Variants in CABLES2 observed in about 807,000 individuals in gnomAD.
The protein encoded by CABLES2 is CDK5 and ABL1 enzyme substrate 2.
Under a neutral mutation model 44.8 loss-of-function variants are expected in CABLES2, and 35 were observed. The ratio of observed to expected loss-of-function variants is 0.78; its 90% CI spans 0.60 to 1.04. The LOEUF (loss-of-function observed/expected upper bound fraction) is 1.04. Ranked by LOEUF, CABLES2 falls within the 50% of genes least tolerant of loss-of-function variation. The probability of loss-of-function intolerance (pLI) is 0.00; values close to 1 mark genes in which losing one functional copy is unlikely to be tolerated. For synonymous variants in CABLES2, 282 were observed against 281.1 expected, an observed-to-expected ratio of 1.00 and a Z score of -0.03; for missense variants, 566 against 615.7, an observed-to-expected ratio of 0.92 and a Z score of 0.85.
chr20:62,401,040 G>A (rs1289847989), intron 1 of CABLES2, among the ~76,000 whole-genome samples: 1 of 152,184 alleles, frequency 6.6e-6, no homozygotes, highest in Non-Finnish European at 1.5e-5. Context: ...AAGATGACAT[G>A]GCTGGTAAGA....
rs1158848652 is a variant in CABLES2, at chr20:62,398,202, GTGA to G, written c.363-1613_363-1611del. ...GGTGGTGGTGATGGTGATGATGGTG[GTGA>G]TGGTGATGTGATGGTGGTGGTGGTG... On this transcript the variant is annotated intron_variant, in intron 1 of 9. Transcript: ENST00000279101. 9.6e-4 allele frequency among the ~76,000 whole-genome samples: 108 copies of G among 112,614 alleles called. 6 individuals carry two copies. In the East Asian group the frequency reaches 0.018, roughly 19 times the overall value. The allele number at this position is 112,614 out of a possible 152,430, so 73.9% of individuals were successfully genotyped here.
At position 62,390,925 on chromosome 20, in the gene CABLES2, G is replaced by A; in HGVS notation, c.*46C>T. 6.2e-7 allele frequency: 1 copy of A among 1,603,760 alleles called. No individual in the cohort carries two copies. The highest frequency in any genetic ancestry group is 8.5e-7 in the Non-Finnish European group (1 of 1,171,864). ...GGGGCTTCAGTGGGACACCTCCCAGGCCGGCAAGTGCACCTCGGTGCCCTG... is the reference window on the plus strand; with the variant it reads ...GGGGCTTCAGTGGGACACCTCCCAGACCGGCAAGTGCACCTCGGTGCCCTG... On this transcript the variant is annotated 3_prime_UTR_variant, in exon 10 of 10. Transcript: ENST00000279101.
chr20:62,400,506 G>A (rs1479501042), intron 1 of CABLES2, among the ~76,000 whole-genome samples: 1 of 152,222 alleles, frequency 6.6e-6, no homozygotes, highest in Non-Finnish European at 1.5e-5. Flanking sequence ...TGAAGGAGGA[G>A]ATTTGGGGAC....
chr20:62,399,483 G>T (rs1414672340), intron 1 of CABLES2, among the ~76,000 whole-genome samples: 2 of 147,702 alleles, frequency 1.4e-5, no homozygotes, highest in Non-Finnish European at 3.0e-5. Flanking sequence ...TCCTGACCTC[G>T]TGATCCACCT....
rs753641786 is a variant in CABLES2 at position 62,396,438 on chromosome 20, TC to T, written c.435-32del. On this transcript the variant is annotated intron_variant, in intron 2 of 9. Coordinates refer to ENST00000279101, the MANE Select transcript of CABLES2 (RefSeq NM_031215.3). The surrounding 1 kb of genome is among the most constrained non-coding windows in gnomAD (Gnocchi z 5.7). Reference sequence around the variant, plus strand: ...AGGCAAAGGACACAGGTCACTCTTTTCCTCCCAGGACCCTCTGGCCCCGCAG... The same window carrying T: ...AGGCAAAGGACACAGGTCACTCTTTTCTCCCAGGACCCTCTGGCCCCGCAG... 11 of 1,613,212 alleles carry T rather than the reference TC, an allele frequency of 6.8e-6. No individual in the cohort carries two copies. The highest frequency in any genetic ancestry group is 5.1e-6 in the Non-Finnish European group (6 of 1,179,418).
In CABLES2 at chr20:62,393,460, G is replaced by A. The variant is rs1367530062; in HGVS notation, c.860C>T (p.Ala287Val). ...GCTACCTAGTTCTGTGCTGGCTGGT[G>A]CCGACTTGGTGGGGGCAGGTTTATG... ...SRHKPAPTKS[A>V]PASTELGSDV... Residue 287 changes from alanine to valine, a missense_variant, in exon 6 of 10, where the codon GCA becomes GTA. Around this residue, in one of 2 missense-constraint regions of CABLES2, gnomAD observed 436 missense variants for 536.3 expected, o/e 0.81. Transcript: ENST00000279101. 2 of 1,609,686 alleles carry A rather than the reference G, an allele frequency of 1.2e-6. No individual in the cohort carries two copies. Among genetic ancestry groups the A allele is most frequent in the African/African-American group, 2.7e-5 (2 of 74,828 alleles).
At chr20:62,394,423 G>A (rs1179935814) in intron 4 of CABLES2, among the ~76,000 whole-genome samples, 158 bp from the exon 5 acceptor site, 4 of 152,180 alleles carry the variant, frequency 2.6e-5, no homozygotes, top group Non-Finnish European at 5.9e-5. Context: ...GAAGGCGCAC[G>A]TCAGGAGTGC....
intron 1 of CABLES2, among the ~76,000 whole-genome samples, chr20:62,397,962 A>ATGGTGATGG (rs1569017224): frequency 2.7e-5 from 2 of 75,060 alleles, no homozygotes; most frequent in East Asian, 5.5e-4. Context: ...AGTGGTGGTG[A>ATGGTGATGG]TGGTGGTGAC....
intron 1 of CABLES2, among the ~76,000 whole-genome samples, chr20:62,400,712 C>A (rs993339447): frequency 3.3e-5 from 5 of 152,168 alleles, no homozygotes; most frequent in Admixed American, 2.0e-4. Context: ...CGGCAGCCTG[C>A]CTGGTGGTAC....
At chr20:62,393,656 G>A in intron 5 of CABLES2, 51 bp from the exon 6 acceptor site, 3 of 1,510,830 alleles carry the variant, frequency 2.0e-6, no homozygotes, top group East Asian at 2.3e-5. Context: ...GGACCAGAGG[G>A]CAAAGTGAGC....
In CABLES2 at chr20:62,391,083, CTGTTGAA is replaced by C; in HGVS notation, c.1318_1324del (p.Phe440GlyfsTer4). On this transcript the variant is annotated frameshift_variant, in exon 10 of 10. Coordinates refer to ENST00000279101, the MANE Select transcript of CABLES2 (RefSeq NM_031215.3). LOFTEE classifies it high-confidence loss of function. This position sits in a 1 kb window ranked among gnomAD's most constrained non-coding sequence, Gnocchi z 5.7. ...GAACTCAAACCCTATCAGGTCGCGCCTGTTGAATCGAAACCTTTCTTCTAACTTCTGC... is the reference window on the plus strand; with the variant it reads ...GAACTCAAACCCTATCAGGTCGCGCCTCGAAACCTTTCTTCTAACTTCTGC... The C allele has an allele frequency of 3.7e-6, 6 of 1,614,134 alleles. No individual in the cohort carries two copies. Among genetic ancestry groups the C allele is most frequent in the Non-Finnish European group, 5.1e-6 (6 of 1,180,034 alleles).
chr20:62,392,872 G>C, intron 7 of CABLES2, 48 bp downstream of exon 7: 6 of 1,543,480 alleles, frequency 3.9e-6, no homozygotes, highest in Non-Finnish European at 5.4e-6. Flanking sequence ...CCCGAGCCAG[G>C]ACAGGTGTGC....
rs1433312246 is a variant in CABLES2 at position 62,407,080 on chromosome 20, G to A, written c.197C>T (p.Pro66Leu). ...SLDGRPPSLG[P>L]GGEKPPPPPA... ...CGGCGGCGGGGGCTTCTCTCCGCCCGGGCCCAGGCTCGGGGGCCGCCCGTC... is the reference window on the plus strand; with the variant it reads ...CGGCGGCGGGGGCTTCTCTCCGCCCAGGCCCAGGCTCGGGGGCCGCCCGTC... Residue 66 changes from proline to leucine, a missense_variant, in exon 1 of 10, where the codon CCG becomes CTG. By Grantham distance (98) the Pro-to-Leu change is moderately conservative. This residue lies in a region of CABLES2 where 130 missense variants were observed against 79.4 expected (regional missense o/e 1.64). Transcript: ENST00000279101. 1.8e-5 allele frequency: 19 copies of A among 1,063,676 alleles called. No homozygotes were observed. The highest frequency in any genetic ancestry group is 1.9e-5 in the Non-Finnish European group (17 of 880,268). 65.9% of individuals were successfully genotyped at this position (1,063,676 alleles called of 1,614,324 possible). A position where few individuals can be genotyped will look rare whatever the true frequency, so the allele number is the denominator to read the frequency against.
Position 62,396,479 on chromosome 20 carries a change from C to T in CABLES2, c.434+42G>A. 6.2e-7 allele frequency: 1 copy of T among 1,613,632 alleles called. No homozygotes were observed. The highest frequency in any genetic ancestry group is 8.5e-7 in the Non-Finnish European group (1 of 1,179,712). On this transcript the variant is annotated intron_variant, in intron 2 of 9. Coordinates refer to ENST00000279101, the MANE Select transcript of CABLES2 (RefSeq NM_031215.3). The surrounding 1 kb of genome is among the most constrained non-coding windows in gnomAD (Gnocchi z 5.7). ...TGGCCCCGCAGGGGTCAGTGGCAGC[C>T]CGAGCGGAGTCGTAGAGCTCGGGGC...
At chr20:62,401,045 G>GT (rs1988178686) in intron 1 of CABLES2, among the ~76,000 whole-genome samples, 1 of 152,352 alleles carries the variant, frequency 6.6e-6, no homozygotes. Flanking sequence ...GACATGGCTG[G>GT]TAAGAGACAG....
intron 1 of CABLES2, chr20:62,402,964 G>A (rs1209518178): frequency 6.6e-6 from 1 of 152,250 alleles, no homozygotes; most frequent in Non-Finnish European, 1.5e-5. Context: ...GCAGCTTGGC[G>A]ACGCTGAGTG....
intron 1 of CABLES2, among the ~76,000 whole-genome samples, chr20:62,397,947 ACGGTAGTGG>A (rs1422565930): frequency 1.4e-4 from 1 of 7,234 alleles, no homozygotes; most frequent in Admixed American, 1.4e-3. Context: ...GATGGTGGTG[ACGGTAGTGG>A]TGGTGATGGT....
At chr20:62,402,204 C>G (rs1569019279) in intron 1 of CABLES2, 1 of 152,264 alleles carries the variant, frequency 6.6e-6, no homozygotes, top group Non-Finnish European at 1.5e-5. Flanking sequence ...GGCCACCAAG[C>G]CTCCATCCAA....
rs1987989936 is a variant in CABLES2, at chr20:62,394,946, A to G, written c.596T>C (p.Leu199Pro). The change falls in exon 4 of 10, where the codon CTG (leucine) becomes CCG (proline). Residue 199 changes from leucine (L) to proline (P), a missense_variant. By Grantham distance (98) the Leu-to-Pro change is moderately conservative. This residue lies in a region of CABLES2 where 436 missense variants were observed against 536.3 expected (regional missense o/e 0.81). Coordinates refer to ENST00000279101, the MANE Select transcript of CABLES2 (RefSeq NM_031215.3). ...AFSVLPYGEG[L>P]RISDLRVDSQ... ...AGCGCTGAGTACTCACCTGATCCGCAGGCCTTCCCCATAGGGCAGGACCGA... is the reference window on the plus strand; with the variant it reads ...AGCGCTGAGTACTCACCTGATCCGCGGGCCTTCCCCATAGGGCAGGACCGA... The G allele has an allele frequency of 6.2e-7, 1 of 1,612,644 alleles. No homozygotes were observed. Among genetic ancestry groups the G allele is most frequent in the African/African-American group, 1.3e-5 (1 of 74,932 alleles).
Sources: allele counts gnomAD v4.1 joint callset (sites outside exome capture counted in the v4.1 genomes callset), GRCh38; gene constraint gnomAD v4.1.1; regional missense constraint gnomAD v4.1.1; non-coding constraint Gnocchi (gnomAD v3.1); transcripts MANE v1.5; gene names NCBI Gene and HGNC (gene_info 2026-07-23, HGNC 2026-07-21).